Variants in SHANK2 observed in about 807,000 individuals in gnomAD.
SHANK2 encodes the protein SH3 and multiple ankyrin repeat domains 2, also known as SH3 and multiple ankyrin repeat domains protein 2.
In SHANK2, 43 loss-of-function variants were observed where a neutral mutation model predicts 133.7. The ratio of observed to expected loss-of-function variants is 0.32; its 90% CI spans 0.25 to 0.41. The LOEUF is 0.41. Ranked by LOEUF, SHANK2 falls within the 10% of genes least tolerant of loss-of-function variation. The pLI is 1.00. For missense variants in SHANK2, 1,994 were observed against 2,235.8 expected, an observed-to-expected ratio of 0.89 and a Z score of 2.18; for synonymous variants, 1,017 against 952.8, an observed-to-expected ratio of 1.07 and a Z score of -1.24.
In SHANK2 at chr11:70,599,908, AAAGAAAG is replaced by A. The variant is rs1554990528; in HGVS notation, c.2061+59913_2061+59919del. Among the ~76,000 whole-genome samples the A allele has an allele frequency of 5.3e-3, 162 of 30,722 alleles. 1 individual carries two copies. Among genetic ancestry groups the A allele is most frequent in the African/African-American group, 0.018 (130 of 7,286 alleles). The allele number at this position is 30,722 out of a possible 152,430, so 20.2% of individuals were successfully genotyped here. The stretch of plus-strand genomic sequence containing the variant: ...GAAAGAAAAAGAAAGAAAGAAAGAG[AAAGAAAG>A]AAAGAAAGAAAGAAAGAAAGAAAGA... On this transcript the variant is annotated intron_variant, in intron 17 of 25. Transcript: ENST00000601538.
At chr11:71,190,429 C>T (rs781823091) in intron 2 of SHANK2, among the ~76,000 whole-genome samples, 7 of 152,184 alleles carry the variant, frequency 4.6e-5, no homozygotes, top group Admixed American at 1.3e-4. Context: ...TCTCGGTACC[C>T]GTCTGCCGCA....
intron 8 of SHANK2, among the ~76,000 whole-genome samples, chr11:71,083,681 C>T (rs1234436770): frequency 2.6e-5 from 4 of 152,156 alleles, no homozygotes; most frequent in Admixed American, 6.5e-5. Context: ...CACATGGAAA[C>T]GCAGGGTCTG....
chr11:70,655,714 C>G (rs533986321), intron 17 of SHANK2, among the ~76,000 whole-genome samples: 10 of 152,324 alleles, frequency 6.6e-5, no homozygotes, highest in African/African-American at 2.4e-4. Flanking sequence ...TTGTGGAAGA[C>G]AGTCCTAGTC....
intron 11 of SHANK2, among the ~76,000 whole-genome samples, chr11:70,883,334 C>T (rs1949685313): frequency 6.6e-6 from 1 of 152,130 alleles, no homozygotes; most frequent in Non-Finnish European, 1.5e-5. Flanking sequence ...GGATTTAGCA[C>T]CCCCTAATGC....
At position 70,829,336 on chromosome 11, in the gene SHANK2, G is replaced by A. The variant is rs183393749; in HGVS notation, c.1175-8654C>T. Among the ~76,000 whole-genome samples, 420 of 152,258 alleles carry A rather than the reference G, an allele frequency of 2.8e-3. 1 individual carries two copies. The highest frequency in any genetic ancestry group is 9.4e-3 in the African/African-American group (391 of 41,558). ...AAAGGACCCTCAGCGGCCACCGTCC[G>A]GTGCGTGTGCAGCAGCTGCTCCTGG... On this transcript the variant is annotated intron_variant, in intron 11 of 25. Transcript: ENST00000601538.
At chr11:70,686,270 C>T (rs1475346877) in intron 15 of SHANK2, among the ~76,000 whole-genome samples, 1 of 137,844 alleles carries the variant, frequency 7.3e-6, no homozygotes, top group Non-Finnish European at 1.6e-5. Context: ...ACCCATCCAG[C>T]TCCCTATCTA....
intron 2 of SHANK2, among the ~76,000 whole-genome samples, chr11:71,150,982 G>A (rs1456898758): frequency 6.6e-6 from 1 of 152,094 alleles, no homozygotes; most frequent in East Asian, 1.9e-4. Flanking sequence ...CCCGCCTCCT[G>A]AGCCCACTCC....
intron 14 of SHANK2, among the ~76,000 whole-genome samples, chr11:70,718,700 C>CTTTTTTTTTTTTTTTTT (rs60414874): frequency 4.6e-5 from 6 of 129,780 alleles, no homozygotes; most frequent in Admixed American, 7.6e-5. Context: ...AGCTCATTCT[C>CTTTTTTTTTTTTTTTTT]TTTTTTTTTT....
chr11:71,142,109 T>C (rs1336019609), intron 3 of SHANK2, among the ~76,000 whole-genome samples: 2 of 151,560 alleles, frequency 1.3e-5, no homozygotes, highest in Non-Finnish European at 1.5e-5. Flanking sequence ...TGCAGGGCTA[T>C]GGAAACAAAA....
chr11:70,666,733 C>G (rs939336748), intron 15 of SHANK2, among the ~76,000 whole-genome samples: 1 of 152,182 alleles, frequency 6.6e-6, no homozygotes, highest in Non-Finnish European at 1.5e-5. Flanking sequence ...CTTCTCCAAG[C>G]CCGTCTCACC....
At chr11:70,907,345 C>T (rs1436128059) in intron 10 of SHANK2, among the ~76,000 whole-genome samples, 1 of 152,258 alleles carries the variant, frequency 6.6e-6, no homozygotes, top group Non-Finnish European at 1.5e-5. Context: ...GTGAAGGGGA[C>T]CCCCTGGGTT....
At chr11:70,910,134 T>C (rs1950168898) in intron 10 of SHANK2, among the ~76,000 whole-genome samples, 1 of 152,168 alleles carries the variant, frequency 6.6e-6, no homozygotes, top group Non-Finnish European at 1.5e-5. Context: ...GTGACCTCAA[T>C]TTAACTTAAT....
intron 8 of SHANK2, among the ~76,000 whole-genome samples, chr11:71,087,397 CAG>C (rs1423068422): frequency 3.3e-5 from 5 of 152,170 alleles, no homozygotes; most frequent in Admixed American, 1.3e-4. Context: ...AGTTGAGACA[CAG>C]GGGCTATTCT....
chr11:70,942,962 C>CT (rs1170297165), intron 10 of SHANK2: 7 of 448,676 alleles, frequency 1.6e-5, no homozygotes, highest in Non-Finnish European at 3.1e-5. Context: ...TCTCAAAGCA[C>CT]TTTAAAGTTT....
chr11:70,588,489 A>G (rs7949744), intron 17 of SHANK2, among the ~76,000 whole-genome samples: 49,609 of 152,132 alleles, frequency 0.33, 9,172 homozygotes, highest in African/African-American at 0.5. Context: ...AACTGGAACA[A>G]CCATATCACT....
intron 11 of SHANK2, among the ~76,000 whole-genome samples, chr11:70,852,437 G>A (rs1442747233): frequency 1.3e-5 from 2 of 152,194 alleles, no homozygotes; most frequent in African/African-American, 4.8e-5. Flanking sequence ...CAGGGCAGGA[G>A]GGTTGCAGGG....
chr11:70,490,523 G>T, intron 22 of SHANK2, 136 bp from the exon 23 acceptor site: 1 of 756,852 alleles, frequency 1.3e-6, no homozygotes, highest in East Asian at 2.6e-5. Context: ...AAAGTCTCCA[G>T]TGGGGCTGAT....
intron 14 of SHANK2, among the ~76,000 whole-genome samples, chr11:70,795,905 G>A (rs1555049054): frequency 1.3e-5 from 2 of 152,214 alleles, no homozygotes; most frequent in Non-Finnish European, 2.9e-5. Context: ...CTGATGCCCT[G>A]ACTTTAGCCA....
At chr11:71,170,246 T>C (rs1183147137) in intron 2 of SHANK2, among the ~76,000 whole-genome samples, 1 of 152,218 alleles carries the variant, frequency 6.6e-6, no homozygotes, top group African/African-American at 2.4e-5. Context: ...TTTCTAATCA[T>C]TTAGAATATT....
Sources: allele counts gnomAD v4.1 joint callset (sites outside exome capture counted in the v4.1 genomes callset), GRCh38; gene constraint gnomAD v4.1.1; transcripts MANE v1.5; gene names NCBI Gene and HGNC (gene_info 2026-07-23, HGNC 2026-07-21).